The following ATP6V1E1 variants were observed in gnomAD, a reference collection of about 807,000 sequenced individuals.
ATP6V1E1 encodes the protein V-type proton ATPase subunit E 1.
A neutral mutation model predicts 35.2 loss-of-function variants in ATP6V1E1; 21 were observed. That is an observed-to-expected ratio of 0.60 (90% CI 0.42 to 0.86). The LOEUF (loss-of-function observed/expected upper bound fraction) is 0.86, where lower values mean the gene tolerates loss of function less well. Ranked by LOEUF, ATP6V1E1 falls within the 40% of genes least tolerant of loss-of-function variation. The pLI is 0.00. For synonymous variants in ATP6V1E1, 83 were observed against 87.8 expected, an observed-to-expected ratio of 0.95 and a Z score of 0.30; for missense variants, 183 against 272.6, an observed-to-expected ratio of 0.67 and a Z score of 2.32.
chr22:17,625,421 G>A lies in ATP6V1E1; in HGVS notation c.33+3182C>T, dbSNP rs577758831. ...TTACAGGCATGCACCACCTCGCCCGGCTAATTTTGAATTTTAGTAGAGACA... is the reference window on the plus strand; with the variant it reads ...TTACAGGCATGCACCACCTCGCCCGACTAATTTTGAATTTTAGTAGAGACA... On this transcript the variant is annotated intron_variant, in intron 1 of 8. Transcript: ENST00000253413. Among the ~76,000 whole-genome samples the A allele has an allele frequency of 1.4e-4, 21 of 151,896 alleles. No individual in the cohort carries two copies. The East Asian group carries it at 3.9e-3, about 28-fold the overall frequency.
chr22:17,603,820 T>C (rs766690490), intron 4 of ATP6V1E1, among the ~76,000 whole-genome samples: 4 of 152,204 alleles, frequency 2.6e-5, no homozygotes, highest in Non-Finnish European at 5.9e-5. Flanking sequence ...AAAGAACTCT[T>C]AGCTCCTCCC....
intron 1 of ATP6V1E1, among the ~76,000 whole-genome samples, chr22:17,623,780 G>A (rs1258004287): frequency 6.6e-6 from 1 of 152,096 alleles, no homozygotes; most frequent in South Asian, 2.1e-4. Flanking sequence ...TTAGCACTCT[G>A]CTGCACCCTT....
Position 17,617,047 on chromosome 22 carries a change from CAAA to C in ATP6V1E1, c.99+2411_99+2413del, listed in dbSNP as rs535211268. Among the ~76,000 whole-genome samples the C allele has an allele frequency of 1.2e-4, 4 of 33,498 alleles. 1 individual carries two copies. In the South Asian group the frequency reaches 2.1e-3, roughly 18 times the overall value. 22.0% of individuals were successfully genotyped at this position (33,498 alleles called of 152,430 possible). A position where few individuals can be genotyped will look rare whatever the true frequency, so the allele number is the denominator to read the frequency against. On this transcript the variant is annotated intron_variant, in intron 2 of 8. Coordinates refer to ENST00000253413, the MANE Select transcript of ATP6V1E1 (RefSeq NM_001696.4). The stretch of plus-strand genomic sequence containing the variant: ...TGGGCGACAGAGCGAGACTCCGTCT[CAAA>C]AAAAAAAAAAAAAGAGTCATACAAG...
At chr22:17,596,132 A>AAAATAAATAAATAAATAAAT (rs563541510) in intron 7 of ATP6V1E1, among the ~76,000 whole-genome samples, 36 of 151,764 alleles carry the variant, frequency 2.4e-4, no homozygotes, top group African/African-American at 8.5e-4. Flanking sequence ...TCTGTCTCAA[A>AAAATAAATAAATAAATAAAT]AAATAAATAA....
At chr22:17,614,459 C>T (rs528931237) in intron 2 of ATP6V1E1, among the ~76,000 whole-genome samples, 2 of 151,186 alleles carry the variant, frequency 1.3e-5, no homozygotes, top group East Asian at 3.9e-4. Context: ...GAGTTCGAGA[C>T]CAGCCTGACC....
intron 2 of ATP6V1E1, among the ~76,000 whole-genome samples, chr22:17,615,743 C>G (rs1205677009): frequency 6.6e-6 from 1 of 151,976 alleles, no homozygotes; most frequent in Non-Finnish European, 1.5e-5. Context: ...ACTAAGAATA[C>G]AAAAATTGGC....
At chr22:17,592,864 G>GC in intron 8 of ATP6V1E1, 128 bp from the exon 9 acceptor site, 1 of 791,920 alleles carries the variant, frequency 1.3e-6, no homozygotes, top group Non-Finnish European at 2.1e-6. Flanking sequence ...GTGCAGTGGC[G>GC]CATCTCCGCT....
intron 1 of ATP6V1E1, among the ~76,000 whole-genome samples, chr22:17,625,981 A>T (rs567082592): frequency 6.6e-6 from 1 of 151,978 alleles, no homozygotes; most frequent in Non-Finnish European, 1.5e-5. Context: ...GGTGCCAAAC[A>T]CCGTTAGGCA....
At chr22:17,625,465 C>A (rs2057899167) in intron 1 of ATP6V1E1, among the ~76,000 whole-genome samples, 1 of 124,206 alleles carries the variant, frequency 8.1e-6, no homozygotes, top group Non-Finnish European at 2.0e-5. Flanking sequence ...CCATGTTGGT[C>A]AGGCTGGTCT....
intron 2 of ATP6V1E1, among the ~76,000 whole-genome samples, chr22:17,614,968 A>AAT (rs2057835663): frequency 6.6e-6 from 1 of 150,736 alleles, no homozygotes; most frequent in African/African-American, 2.4e-5. Flanking sequence ...AAAAAAAAAA[A>AAT]TTTTTTTTCC....
chr22:17,607,393 C>G (rs528663667), intron 4 of ATP6V1E1, among the ~76,000 whole-genome samples: 1 of 152,020 alleles, frequency 6.6e-6, no homozygotes, highest in Non-Finnish European at 1.5e-5. Context: ...CCTGACCTCA[C>G]GATCTGCCTG....
intron 4 of ATP6V1E1, among the ~76,000 whole-genome samples, chr22:17,609,619 C>T (rs1173042051): frequency 2.0e-5 from 3 of 151,942 alleles, no homozygotes; most frequent in Admixed American, 2.0e-4. Flanking sequence ...CAGGCGCCCA[C>T]CACCACGCCC....
At chr22:17,597,982 A>G (rs1378112573) in intron 7 of ATP6V1E1, 12 of 529,982 alleles carry the variant, frequency 2.3e-5, no homozygotes, top group Non-Finnish European at 3.4e-5. Flanking sequence ...TGGCCAAACT[A>G]GACTTTTAGA....
In ATP6V1E1 at chr22:17,613,300, T is replaced by G; in HGVS notation, c.120A>C (p.Ile40=). ...GGGTTTGCACAAGCCGACCTTTCTCTATGTTGAACTCTTCTTCTGCCTAGA... is the reference window on the plus strand; with the variant it reads ...GGGTTTGCACAAGCCGACCTTTCTCGATGTTGAACTCTTCTTCTGCCTAGA... ...IDAKAEEEFN[I]EKGRLVQTQR... Residue 40 remains isoleucine, a synonymous_variant, in exon 3 of 9, where the codon ATA becomes ATC. Coordinates refer to ENST00000253413, the MANE Select transcript of ATP6V1E1 (RefSeq NM_001696.4). The G allele has an allele frequency of 1.9e-6, 3 of 1,613,754 alleles. No homozygotes were observed. The South Asian group carries it at 3.3e-5, about 18-fold the overall frequency.
chr22:17,594,693 A>G, intron 7 of ATP6V1E1, 77 bp from the exon 8 acceptor site: 1 of 1,235,348 alleles, frequency 8.1e-7, no homozygotes. Context: ...ACTCCCGCAG[A>G]GGAATGCCCT....
At position 17,608,695 on chromosome 22, in the gene ATP6V1E1, T is replaced by C. The variant is rs186726191; in HGVS notation, c.276+4117A>G. Among the ~76,000 whole-genome samples the C allele has an allele frequency of 7.9e-5, 12 of 152,376 alleles. No homozygotes were observed. The East Asian group carries it at 1.7e-3, about 22-fold the overall frequency. On this transcript the variant is annotated intron_variant, in intron 4 of 8. Transcript: ENST00000253413. ...CTCCCACCTTGGCCTCATAAAGTGC[T>C]GTGACCACAGGCATGAGCCATGGCA...
chr22:17,612,691 G>A, intron 4 of ATP6V1E1, 121 bp downstream of exon 4: 1 of 834,062 alleles, frequency 1.2e-6, no homozygotes, highest in Non-Finnish European at 1.8e-6. Flanking sequence ...TATAATAATT[G>A]GAATGTTTTC....
intron 6 of ATP6V1E1, among the ~76,000 whole-genome samples, chr22:17,599,577 CAA>C (rs71284922): frequency 1.7e-4 from 11 of 65,662 alleles, no homozygotes; most frequent in Admixed American, 6.0e-4. Flanking sequence ...AACTCCATCT[CAA>C]AAAAAAAAAA....
chr22:17,619,332 G>A, intron 2 of ATP6V1E1, 129 bp downstream of exon 2: 1 of 831,404 alleles, frequency 1.2e-6, no homozygotes, highest in Non-Finnish European at 1.9e-6. Flanking sequence ...GGGGAAGGAG[G>A]GAAGGAAGAG....
Sources: allele counts gnomAD v4.1 joint callset (sites outside exome capture counted in the v4.1 genomes callset), GRCh38; gene constraint gnomAD v4.1.1; transcripts MANE v1.5; gene names NCBI Gene and HGNC (gene_info 2026-07-23, HGNC 2026-07-21).